SLC26A8: variants seen among roughly 807,000 people sequenced by gnomAD.
SLC26A8 encodes the protein testis anion transporter 1.
SLC26A8 carries 70 observed loss-of-function variants against 105.0 expected under a neutral mutation model. The ratio of observed to expected loss-of-function variants is 0.67; its 90% CI spans 0.55 to 0.81. The LOEUF (loss-of-function observed/expected upper bound fraction) is 0.81. Among genes scored for constraint, SLC26A8 ranks in the 40% least tolerant of loss-of-function variants. The probability of loss-of-function intolerance (pLI) is 0.00; values close to 1 mark genes in which losing one functional copy is unlikely to be tolerated. For synonymous variants in SLC26A8, 415 were observed against 438.3 expected, an observed-to-expected ratio of 0.95 and a Z score of 0.66; for missense variants, 998 against 1,181.8, an observed-to-expected ratio of 0.84 and a Z score of 2.28.
chr6:36,007,403 A>G (rs79016102), intron 3 of SLC26A8, among the ~76,000 whole-genome samples: 2,692 of 152,310 alleles, frequency 0.018, 250 homozygotes, highest in Admixed American at 0.15. Flanking sequence ...CAAAACACGT[A>G]GGATCTCTAT....
intron 7 of SLC26A8, among the ~76,000 whole-genome samples, chr6:35,988,840 G>GT (rs1562050002): frequency 7.2e-4 from 99 of 137,312 alleles, no homozygotes; most frequent in African/African-American, 2.6e-3. Flanking sequence ...AGTTCTATAC[G>GT]GTTTTTTTTT....
Position 35,962,557 on chromosome 6 carries a change from G to T in SLC26A8, c.1430C>A (p.Pro477His). The change falls in exon 12 of 20, where the codon CCC becomes CAC. Residue 477 changes from proline to histidine, a missense_variant. Transcript: ENST00000490799. ...ATATTGGTCCTGCCTCCACAGGCTGGGTAGGTTAGAAATGGTTTCAAGGTA... is the reference window on the plus strand; with the variant it reads ...ATATTGGTCCTGCCTCCACAGGCTGTGTAGGTTAGAAATGGTTTCAAGGTA... ...IPYLETISNL[P>H]SLWRQDQYDC... is the part of the protein sequence containing the mutation. 6.2e-7 allele frequency: 1 copy of T among 1,614,030 alleles called. No individual in the cohort carries two copies. Among genetic ancestry groups the T allele is most frequent in the South Asian group, 1.1e-5 (1 of 91,072 alleles).
intron 2 of SLC26A8, among the ~76,000 whole-genome samples, chr6:36,014,920 C>A (rs1449104428): frequency 2.6e-5 from 4 of 151,962 alleles, no homozygotes; most frequent in Non-Finnish European, 5.9e-5. Flanking sequence ...AGTGCTATTT[C>A]CTAGTTGCTT....
intron 4 of SLC26A8, among the ~76,000 whole-genome samples, chr6:35,998,580 A>G (rs776473683): frequency 6.6e-6 from 1 of 151,904 alleles, no homozygotes; most frequent in Non-Finnish European, 1.5e-5. Flanking sequence ...AAAAGAAAAG[A>G]AAAGATAATG....
Position 36,011,047 on chromosome 6 carries a change from CA to C in SLC26A8, c.328+1185del, listed in dbSNP as rs549342675. ...GTGCTATCCACAACCTGCCCGATCA[CA>C]AGCTTCAACCCTGCCTGTTGAGCCT... On this transcript the variant is annotated intron_variant, in intron 3 of 19. Coordinates refer to ENST00000490799, the MANE Select transcript of SLC26A8 (RefSeq NM_052961.4). 3.1e-3 allele frequency among the ~76,000 whole-genome samples: 470 copies of C among 152,310 alleles called. 1 individual carries two copies. The highest frequency in any genetic ancestry group is 0.01 in the African/African-American group (424 of 41,560).
In SLC26A8 at chr6:36,008,152, G is replaced by A. The variant is rs534354159; in HGVS notation, c.328+4081C>T. ...AAAAAAAAAAAATGGTGTTGAGGCC[G>A]GGCATGGTGGCTCATGCCTGTAATC... On this transcript the variant is annotated intron_variant, in intron 3 of 19. Coordinates refer to ENST00000490799, the MANE Select transcript of SLC26A8 (RefSeq NM_052961.4). 5.9e-5 allele frequency among the ~76,000 whole-genome samples: 9 copies of A among 151,312 alleles called. No individual in the cohort carries two copies. The South Asian group carries it at 1.3e-3, about 21-fold the overall frequency.
chr6:35,989,927 C>CTTTTTTTTTTTTTTTTTTTTTTTTTTT (rs869306115), intron 7 of SLC26A8: 2 of 84,572 alleles, frequency 2.4e-5, no homozygotes, highest in Non-Finnish European at 4.1e-5. Context: ...GTTTTCTTTT[C>CTTTTTTTTTTTTTTTTTTTTTTTTTTT]TTTTTTTTTT....
chr6:35,954,936 C>T (rs1437788349), intron 17 of SLC26A8: 3 of 503,648 alleles, frequency 6.0e-6, no homozygotes, highest in South Asian at 2.1e-5. Flanking sequence ...CAGAGTGAGG[C>T]TCCATCTCAA....
chr6:36,009,628 C>T (rs1761794305), intron 3 of SLC26A8, among the ~76,000 whole-genome samples: 1 of 152,150 alleles, frequency 6.6e-6, no homozygotes, highest in Admixed American at 6.5e-5. Flanking sequence ...CTTTAGATGA[C>T]TTTCTTGAAA....
intron 8 of SLC26A8, among the ~76,000 whole-genome samples, chr6:35,979,788 T>C (rs1254704849): frequency 1.3e-5 from 2 of 152,212 alleles, no homozygotes; most frequent in East Asian, 1.9e-4. Flanking sequence ...AAAGGGGACA[T>C]GGACACAGCA....
chr6:35,999,357 G>A (rs1761454921), intron 4 of SLC26A8, among the ~76,000 whole-genome samples: 1 of 152,228 alleles, frequency 6.6e-6, no homozygotes, highest in Non-Finnish European at 1.5e-5. Flanking sequence ...ACATCACTGA[G>A]TAAATGTTGG....
chr6:35,968,620 T>TCTCAC (rs1772639919), intron 11 of SLC26A8, among the ~76,000 whole-genome samples: 1 of 72,000 alleles, frequency 1.4e-5, no homozygotes, highest in Non-Finnish European at 2.4e-5. Context: ...TATATATATA[T>TCTCAC]ATATATATAT....
rs932154783 is a variant in SLC26A8, at chr6:35,968,890, T to C, written c.1352A>G (p.Tyr451Cys). The C allele has an allele frequency of 6.3e-7, 1 of 1,597,286 alleles. No homozygotes were observed. The highest frequency in any genetic ancestry group is 8.5e-7 in the Non-Finnish European group (1 of 1,170,654). ...AGTTCTACTTACATTTGGCAGTGTG[T>C]AGAAAAAGTGTCCCATCTTCACCAT... ...LLMVKMGHFF[Y>C]TLPNAVLAGI... The change falls in exon 11 of 20, where the codon TAC becomes TGC. Residue 451 changes from tyrosine to cysteine, a missense_variant. By Grantham distance (194) the Tyr-to-Cys change is radical. Transcript: ENST00000490799.
Position 35,993,189 on chromosome 6 carries a change from A to T in SLC26A8, c.628-515T>A, listed in dbSNP as rs7451554. The stretch of plus-strand genomic sequence containing the variant: ...TTTTTTTTTTTTTGATAGAGATTGG[A>T]GGGGGGGGTCTTGCTATATTACCTA... On this transcript the variant is annotated intron_variant, in intron 5 of 19. Coordinates refer to ENST00000490799, the MANE Select transcript of SLC26A8 (RefSeq NM_052961.4). 6.0e-3 allele frequency among the ~76,000 whole-genome samples: 283 copies of T among 47,040 alleles called. 27 individuals carry two copies. The highest frequency in any genetic ancestry group is 0.011 in the African/African-American group (181 of 15,760). 30.9% of individuals were successfully genotyped at this position (47,040 alleles called of 152,430 possible).
intron 2 of SLC26A8, among the ~76,000 whole-genome samples, chr6:36,014,840 T>C (rs1562074505): frequency 6.6e-6 from 1 of 151,556 alleles, no homozygotes; most frequent in African/African-American, 2.4e-5. Flanking sequence ...CACTCCAGCA[T>C]GGATGACAGA....
At chr6:35,957,732 G>A (rs558043858) in intron 16 of SLC26A8, among the ~76,000 whole-genome samples, 1 of 151,312 alleles carries the variant, frequency 6.6e-6, no homozygotes, top group African/African-American at 2.4e-5. Context: ...TCAGCCTCCC[G>A]AGTAGCTGGG....
chr6:35,994,102 T>A (rs35113550), intron 5 of SLC26A8, among the ~76,000 whole-genome samples: 1 of 137,830 alleles, frequency 7.3e-6, no homozygotes, highest in Non-Finnish European at 1.5e-5. Flanking sequence ...TGTGTCTCCC[T>A]TTTTTTTTCT....
In SLC26A8 at chr6:35,982,239, T is replaced by C. The variant is rs778137304; in HGVS notation, c.943-36A>G. On this transcript the variant is annotated intron_variant, in intron 7 of 19. Coordinates refer to ENST00000490799, the MANE Select transcript of SLC26A8 (RefSeq NM_052961.4). ...TAAAAAAAGAAGGGATGGGGGCATA[T>C]GAATACCTAAATATAGTGCATCGCT... 4.8e-5 allele frequency: 76 copies of C among 1,595,232 alleles called. No homozygotes were observed. In the South Asian group the frequency reaches 8.0e-4, roughly 17 times the overall value.
intron 4 of SLC26A8, among the ~76,000 whole-genome samples, chr6:35,999,184 G>A (rs762469494): frequency 5.3e-5 from 8 of 152,080 alleles, no homozygotes; most frequent in African/African-American, 7.2e-5. Flanking sequence ...ATGAGCCACC[G>A]TACCTGGCCA....
Sources: gnomAD v4.1 joint callset for allele counts (sites outside exome capture counted in the v4.1 genomes callset) on GRCh38, gnomAD v4.1.1 for gene constraint, MANE v1.5 for transcripts, NCBI Gene and HGNC (gene_info 2026-07-23, HGNC 2026-07-21) for gene names.